SLK: variants seen among roughly 807,000 people sequenced by gnomAD.
SLK encodes STE20 like kinase, also known as STE20-like serine/threonine-protein kinase.
In SLK, 67 loss-of-function variants were observed where a neutral mutation model predicts 147.7. The observed-to-expected ratio is 0.45, with a 90% CI of 0.37 to 0.56. The LOEUF (loss-of-function observed/expected upper bound fraction) is 0.56, where lower values mean the gene tolerates loss of function less well. Among genes scored for constraint, SLK ranks in the 20% least tolerant of loss-of-function variants. SLK has a pLI of 0.00. For missense variants in SLK, 1,136 were observed against 1,438.8 expected, an observed-to-expected ratio of 0.79 and a Z score of 3.41; for synonymous variants, 441 against 475.0, an observed-to-expected ratio of 0.93 and a Z score of 0.93.
At chr10:104,016,820 C>G (rs908281790) in intron 13 of SLK, among the ~76,000 whole-genome samples, 1 of 152,152 alleles carries the variant, frequency 6.6e-6, no homozygotes, top group Non-Finnish European at 1.5e-5. Context: ...TCATCAGACT[C>G]TGAGGCCTCA....
intron 4 of SLK, 62 bp from the exon 5 acceptor site, chr10:103,998,837 C>T: frequency 8.7e-7 from 1 of 1,150,174 alleles, no homozygotes; most frequent in South Asian, 1.3e-5. Context: ...TTTTTCTCCC[C>T]ATTGAATACA....
rs202174450 is a variant in SLK, at chr10:104,018,825, C to G, written c.3049C>G (p.Gln1017Glu). Residue 1017 changes from glutamine to glutamate, a missense_variant, in exon 15 of 19, where the codon CAA becomes GAA. Gln to Glu is a conservative substitution (Grantham distance 29). This residue lies in a region of SLK where 327 missense variants were observed against 457.5 expected (regional missense o/e 0.71). Transcript: ENST00000369755. ...TTGGGAGCTCGAAGAACGACACTTACAAGAAAAACACCAGCTGCTCAAACA... is the reference window on the plus strand; with the variant it reads ...TTGGGAGCTCGAAGAACGACACTTAGAAGAAAAACACCAGCTGCTCAAACA... ...AIWELEERHL[Q>E]EKHQLLKQQL... 5.6e-6 allele frequency: 9 copies of G among 1,613,100 alleles called. No individual in the cohort carries two copies. Among genetic ancestry groups the G allele is most frequent in the South Asian group, 1.1e-5 (1 of 90,788 alleles).
intron 1 of SLK, among the ~76,000 whole-genome samples, chr10:103,984,536 C>T (rs974579460): frequency 1.3e-5 from 2 of 152,108 alleles, no homozygotes; most frequent in Admixed American, 6.6e-5. Flanking sequence ...GCCTGAGCCT[C>T]CTGAGTAGCT....
At chr10:104,021,395 T>A (rs1026128254) in intron 17 of SLK, among the ~76,000 whole-genome samples, 1 of 152,246 alleles carries the variant, frequency 6.6e-6, no homozygotes, top group African/African-American at 2.4e-5. Flanking sequence ...TAGTTCTTTT[T>A]AAGTTCTTTT....
chr10:103,978,833 A>G (rs1036729432), intron 1 of SLK, among the ~76,000 whole-genome samples: 7 of 152,144 alleles, frequency 4.6e-5, no homozygotes, highest in Non-Finnish European at 1.0e-4. Context: ...ATGCTGAAAT[A>G]TTAGTTAATT....
chr10:103,990,869 A>C, intron 2 of SLK, 30 bp downstream of exon 2: 1 of 1,350,840 alleles, frequency 7.4e-7, no homozygotes. Context: ...CTAAAGGAGT[A>C]GCCAAAATGA....
intron 1 of SLK, among the ~76,000 whole-genome samples, 164 bp from the exon 2 acceptor site, chr10:103,990,509 TCA>T (rs1844078127): frequency 6.6e-6 from 1 of 152,242 alleles, no homozygotes. Context: ...AAATATTTTC[TCA>T]GTCTGTGGCT....
chr10:104,002,892 AATG>A lies in SLK; in HGVS notation c.1718_1720del (p.Asp573del). ...AGACAGTGCTGAGGATACGCAGAGT[AATG>A]ATGGGAAAGAAGTGGTCGAAGTAGG... is the stretch of plus-strand genomic sequence containing the variant. On this transcript the variant is annotated inframe_deletion, in exon 9 of 19. Coordinates refer to ENST00000369755, the MANE Select transcript of SLK (RefSeq NM_014720.4). 1 of 1,614,164 alleles carries A rather than the reference AATG, an allele frequency of 6.2e-7. No individual in the cohort carries two copies. The highest frequency in any genetic ancestry group is 8.5e-7 in the Non-Finnish European group (1 of 1,180,006).
intron 6 of SLK, 129 bp downstream of exon 6, chr10:103,999,442 G>A: frequency 2.9e-6 from 2 of 683,826 alleles, no homozygotes; most frequent in Admixed American, 3.4e-5. Context: ...ATATGAATTA[G>A]AAAAGTGATT....
At chr10:104,001,158 A>C (rs1844242849) in intron 7 of SLK, among the ~76,000 whole-genome samples, 1 of 151,928 alleles carries the variant, frequency 6.6e-6, no homozygotes, top group Non-Finnish European at 1.5e-5. Flanking sequence ...TTTCAAACAC[A>C]CAGAAAGTAC....
In SLK at chr10:104,002,626, A is replaced by G. The variant is rs1844265876; in HGVS notation, c.1448A>G (p.Asn483Ser). Residue 483 changes from asparagine to serine, a missense_variant, in exon 9 of 19, where the codon AAT (asparagine) becomes AGT (serine). Physicochemically the swap from Asn to Ser is conservative, Grantham distance 46 (BLOSUM62 1). Around this residue, in one of 6 missense-constraint regions of SLK, gnomAD observed 516 missense variants for 531.3 expected, o/e 0.97. Transcript: ENST00000369755. ...CAGGAAAAGCAACAGATGTTTGAAA[A>G]TAAGCTTATAAAATCTGAAGAAATT... ...KDQEKQQMFE[N>S]KLIKSEEIKD... 2.5e-6 allele frequency: 4 copies of G among 1,607,926 alleles called. No individual in the cohort carries two copies. The highest frequency in any genetic ancestry group is 1.3e-5 in the African/African-American group (1 of 74,532).
intron 4 of SLK, among the ~76,000 whole-genome samples, chr10:103,996,522 C>G (rs1458619530): frequency 1.3e-5 from 2 of 151,668 alleles, no homozygotes; most frequent in Non-Finnish European, 2.9e-5. Flanking sequence ...CCTCAGCCTC[C>G]CGAGTAGCTG....
intron 7 of SLK, 106 bp downstream of exon 7, chr10:104,000,054 C>A (rs563841633): frequency 5.9e-6 from 3 of 508,108 alleles, no homozygotes; most frequent in Middle Eastern, 4.3e-4. Flanking sequence ...TGTGGAGAGT[C>A]AAAATGGCAG....
chr10:103,970,386 A>G (rs1326362571), intron 1 of SLK, among the ~76,000 whole-genome samples: 1 of 152,202 alleles, frequency 6.6e-6, no homozygotes, highest in Non-Finnish European at 1.5e-5. Context: ...TTTCTGAAGA[A>G]CAAGAGTCTT....
chr10:103,992,143 T>TTTTTTTTTTG (rs1844103950), intron 2 of SLK, among the ~76,000 whole-genome samples: 1 of 81,618 alleles, frequency 1.2e-5, no homozygotes, highest in African/African-American at 4.0e-5. Flanking sequence ...TTTCTTCTGT[T>TTTTTTTTTTG]TTTTTTTTTT....
At chr10:103,996,515 C>G (rs1844176452) in intron 4 of SLK, among the ~76,000 whole-genome samples, 1 of 151,392 alleles carries the variant, frequency 6.6e-6, no homozygotes, top group Non-Finnish European at 1.5e-5. Context: ...TCTCCTGCCT[C>G]AGCCTCCCGA....
rs1274549494 is a variant in SLK at position 104,018,142 on chromosome 10, A to G, written c.2878-18A>G. 6.3e-7 allele frequency: 1 copy of G among 1,581,708 alleles called. No individual in the cohort carries two copies. Among genetic ancestry groups the G allele is most frequent in the South Asian group, 1.2e-5 (1 of 86,560 alleles). ...TTCATTAGATACTTATTAACTGACA[A>G]TTAACTGTTTTTAATAGGAACAAGA... On this transcript the variant is annotated intron_variant, in intron 13 of 18. Coordinates refer to ENST00000369755, the MANE Select transcript of SLK (RefSeq NM_014720.4).
rs550870064 is a variant in SLK, at chr10:104,002,553, T to C, written c.1375T>C (p.Leu459=). 3 of 1,607,092 alleles carry C rather than the reference T, an allele frequency of 1.9e-6. No individual in the cohort carries two copies. Among genetic ancestry groups the C allele is most frequent in the South Asian group, 2.2e-5 (2 of 90,374 alleles). ...AAAAGAGAATAATATAATGATAACC[T>C]TAGAAACAAATATTGAACATAATCT... is the stretch of plus-strand genomic sequence containing the variant. ...EGKENNIMIT[L]ETNIEHNLKS... The change falls in exon 9 of 19, where the codon TTA becomes CTA. Residue 459 remains leucine, a synonymous_variant. Coordinates refer to ENST00000369755, the MANE Select transcript of SLK (RefSeq NM_014720.4).
Position 104,025,757 on chromosome 10 carries a change from C to A in SLK, c.*37C>A. ...ATTCTGTGCGTGGGTTTGGCTCTTT[C>A]AGTATGTCATTCTGTTCTCATCTTC... is the stretch of plus-strand genomic sequence containing the variant. On this transcript the variant is annotated 3_prime_UTR_variant, in exon 19 of 19. Coordinates refer to ENST00000369755, the MANE Select transcript of SLK (RefSeq NM_014720.4). 1 of 1,591,090 alleles carries A rather than the reference C, an allele frequency of 6.3e-7. No homozygotes were observed. Among genetic ancestry groups the A allele is most frequent in the East Asian group, 2.2e-5 (1 of 44,714 alleles).
Sources: gnomAD v4.1 joint callset for allele counts (sites outside exome capture counted in the v4.1 genomes callset) on GRCh38, gnomAD v4.1.1 for gene constraint, gnomAD v4.1.1 regional missense constraint, MANE v1.5 for transcripts, NCBI Gene and HGNC (gene_info 2026-07-23, HGNC 2026-07-21) for gene names.